Variants in BAALC observed in about 807,000 individuals in gnomAD.
BAALC encodes the protein BAALC binder of MAP3K1 and KLF4.
In BAALC, 9 loss-of-function variants were observed where a neutral mutation model predicts 15.5. That is an observed-to-expected ratio of 0.58 (90% CI 0.35 to 1.02). The LOEUF is 1.02. BAALC is among the 50% of genes least tolerant of loss of function. The probability of loss-of-function intolerance (pLI) is 0.02; values close to 1 mark genes in which losing one functional copy is unlikely to be tolerated. For missense variants in BAALC, 201 were observed against 192.4 expected (o/e 1.04, Z -0.27); for synonymous variants, 80 against 74.6 (o/e 1.07, Z -0.37).
At chr8:103,186,959 C>T (rs1811852094) in intron 1 of BAALC, among the ~76,000 whole-genome samples, 1 of 152,194 alleles carries the variant, frequency 6.6e-6, no homozygotes, top group African/African-American at 2.4e-5. Flanking sequence ...TTTCATGCCA[C>T]TACTTGTTCT....
intron 2 of BAALC, among the ~76,000 whole-genome samples, chr8:103,214,490 G>C (rs1432040896): frequency 6.6e-6 from 1 of 152,196 alleles, no homozygotes; most frequent in African/African-American, 2.4e-5. Context: ...TACTGGTCCT[G>C]TCCCCTCGGG....
At chr8:103,153,376 T>C (rs1404917116) in intron 1 of BAALC, 1 of 152,220 alleles carries the variant, frequency 6.6e-6, no homozygotes, top group Non-Finnish European at 1.5e-5. Context: ...GTTACAATTT[T>C]GCCGTAACAA....
intron 1 of BAALC, among the ~76,000 whole-genome samples, chr8:103,179,630 C>A (rs765951066): frequency 4.6e-5 from 7 of 152,202 alleles, no homozygotes; most frequent in African/African-American, 7.2e-5. Context: ...GTGGGTGTGT[C>A]CAATTCAATC....
At chr8:103,142,723 G>T (rs557352173) in intron 1 of BAALC, among the ~76,000 whole-genome samples, 1 of 152,308 alleles carries the variant, frequency 6.6e-6, no homozygotes, top group East Asian at 1.9e-4. Flanking sequence ...ATATGTATGG[G>T]TATGAAAGAG....
At chr8:103,219,024 C>A (rs553207861) in intron 2 of BAALC, among the ~76,000 whole-genome samples, 2 of 152,104 alleles carry the variant, frequency 1.3e-5, no homozygotes, top group Non-Finnish European at 2.9e-5. Flanking sequence ...AAGGAGGGAG[C>A]GAACAACAGA....
At chr8:103,180,335 G>T (rs1395428786) in intron 1 of BAALC, among the ~76,000 whole-genome samples, 1 of 152,142 alleles carries the variant, frequency 6.6e-6, no homozygotes, top group Non-Finnish European at 1.5e-5. Context: ...TGCATGAATG[G>T]CACCCAGGAA....
At chr8:103,187,617 A>G (rs1186284013) in intron 1 of BAALC, among the ~76,000 whole-genome samples, 1 of 152,052 alleles carries the variant, frequency 6.6e-6, no homozygotes, top group African/African-American at 2.4e-5. Flanking sequence ...ATTTTGGCAA[A>G]CAGCTTTCTG....
chr8:103,158,935 C>A (rs193103911), intron 1 of BAALC, among the ~76,000 whole-genome samples: 224 of 152,092 alleles, frequency 1.5e-3, no homozygotes, highest in African/African-American at 5.3e-3. Context: ...ATGATCTCAC[C>A]ACGAAGAAAG....
intron 1 of BAALC, among the ~76,000 whole-genome samples, chr8:103,203,657 T>C (rs892648054): frequency 3.9e-5 from 6 of 152,314 alleles, no homozygotes; most frequent in African/African-American, 1.4e-4. Context: ...TTCTGAACAT[T>C]TCATATAAAT....
chr8:103,224,863 T>C (rs1169591466), intron 2 of BAALC, among the ~76,000 whole-genome samples: 1 of 152,152 alleles, frequency 6.6e-6, no homozygotes, highest in Non-Finnish European at 1.5e-5. Context: ...TATACAGGGT[T>C]AAATAAAACC....
intron 2 of BAALC, among the ~76,000 whole-genome samples, chr8:103,216,390 T>C (rs1310625090): frequency 2.0e-5 from 3 of 152,202 alleles, no homozygotes; most frequent in East Asian, 1.9e-4. Context: ...AGTGGTTGAG[T>C]TCCAGTTATG....
intron 1 of BAALC, among the ~76,000 whole-genome samples, chr8:103,169,852 G>A (rs995313184): frequency 2.6e-5 from 4 of 152,130 alleles, no homozygotes; most frequent in East Asian, 1.9e-4. Context: ...TTCAGATTTG[G>A]TATTTTGGGG....
intron 1 of BAALC, among the ~76,000 whole-genome samples, chr8:103,212,477 A>G (rs1812469497): frequency 6.6e-6 from 1 of 152,164 alleles, no homozygotes; most frequent in South Asian, 2.1e-4. Context: ...AAAACCCAAC[A>G]TTTATATAAC....
At chr8:103,212,794 A>G (rs1812476745) in intron 1 of BAALC, 125 bp from the exon 2 acceptor site, 1 of 948,638 alleles carries the variant, frequency 1.1e-6, no homozygotes. Flanking sequence ...GTAGCTCTGC[A>G]TGGTGGGATT....
intron 1 of BAALC, chr8:103,165,861 C>T (rs1486327777): frequency 6.6e-6 from 1 of 152,170 alleles, no homozygotes; most frequent in African/African-American, 2.4e-5. Context: ...AAATACACCC[C>T]CAGAGTGTTG....
chr8:103,214,675 A>G (rs976741982), intron 2 of BAALC, among the ~76,000 whole-genome samples: 6 of 152,244 alleles, frequency 3.9e-5, no homozygotes, highest in East Asian at 1.9e-4. Context: ...TCTCACGTTC[A>G]TTATCCACAC....
intron 1 of BAALC, among the ~76,000 whole-genome samples, chr8:103,185,601 C>G (rs934791452): frequency 7.2e-5 from 11 of 152,212 alleles, no homozygotes; most frequent in African/African-American, 2.2e-4. Flanking sequence ...GGGGCTCTGC[C>G]CCAGGCCTCA....
intron 1 of BAALC, among the ~76,000 whole-genome samples, chr8:103,163,161 C>T (rs1012008381): frequency 6.6e-6 from 1 of 152,138 alleles, no homozygotes; most frequent in African/African-American, 2.4e-5. Flanking sequence ...AGTTTCCCTA[C>T]ACCACCATTT....
chr8:103,187,558 T>C (rs17793532), intron 1 of BAALC, among the ~76,000 whole-genome samples: 17,577 of 152,228 alleles, frequency 0.12, 1,062 homozygotes, highest in South Asian at 0.14. Context: ...AGCCGTAAGC[T>C]TAGAGTGGCC....
Sources: gnomAD v4.1 joint callset for allele counts (sites outside exome capture counted in the v4.1 genomes callset) on GRCh38, gnomAD v4.1.1 for gene constraint, MANE v1.5 for transcripts, NCBI Gene and HGNC (gene_info 2026-07-23, HGNC 2026-07-21) for gene names.